The following ABI3BP variants were observed in gnomAD, a reference collection of about 807,000 sequenced individuals.
The protein encoded by ABI3BP is ABI family member 3 binding protein.
A neutral mutation model predicts 268.6 loss-of-function variants in ABI3BP; 216 were observed. The ratio of observed to expected loss-of-function variants is 0.80; its 90% CI spans 0.72 to 0.90. The LOEUF (loss-of-function observed/expected upper bound fraction) is 0.90, where lower values mean the gene tolerates loss of function less well. Ranked by LOEUF, ABI3BP falls within the 40% of genes least tolerant of loss-of-function variation. ABI3BP has a pLI of 0.00. For missense variants in ABI3BP, 2,090 were observed against 2,182.4 expected, an observed-to-expected ratio of 0.96 and a Z score of 0.84; for synonymous variants, 730 against 730.0, an observed-to-expected ratio of 1.00 and a Z score of 0.00.
Position 100,778,243 on chromosome 3 carries a change from C to T in ABI3BP, c.4333+41G>A, listed in dbSNP as rs373125873. On this transcript the variant is annotated intron_variant, in intron 59 of 67. Coordinates refer to ENST00000471714, the MANE Select transcript of ABI3BP (RefSeq NM_001375547.2). ...AAGAGCTTATGTTGGCTAGTAAAAC[C>T]GAAATCATGGCGGGAAAAGGAAGGT... 213 of 1,597,210 alleles carry T rather than the reference C, an allele frequency of 1.3e-4. 1 individual carries two copies. Among genetic ancestry groups the T allele is most frequent in the Non-Finnish European group, 1.5e-4 (180 of 1,165,456 alleles).
At chr3:100,765,106 G>A (rs375341523) in intron 63 of ABI3BP, among the ~76,000 whole-genome samples, 8 of 143,684 alleles carry the variant, frequency 5.6e-5, no homozygotes, top group South Asian at 2.2e-4. Context: ...TGAACATTAT[G>A]AAAAAAAAAA....
chr3:100,929,510 G>A (rs1041216284), intron 1 of ABI3BP, among the ~76,000 whole-genome samples: 3 of 151,822 alleles, frequency 2.0e-5, no homozygotes, highest in South Asian at 2.1e-4. Context: ...CTACTCTCTC[G>A]AGCTAAATTT....
intron 31 of ABI3BP, 109 bp downstream of exon 31, chr3:100,832,155 T>A: frequency 9.6e-7 from 1 of 1,045,642 alleles, no homozygotes; most frequent in South Asian, 1.8e-5. Context: ...TAGCTTTTAC[T>A]CTTAAGAGAT....
rs539113677 is a variant in ABI3BP, at chr3:100,817,449, T to A, written c.3135A>T (p.Pro1045=). Residue 1045 remains proline, a synonymous_variant, in exon 42 of 68, where the codon CCA becomes CCT. Coordinates refer to ENST00000471714, the MANE Select transcript of ABI3BP (RefSeq NM_001375547.2). ...LEPDTFRTKF[P]ETTLAPKTQR... ...GAATATCATTACCTAACGTTGTTTC[T>A]GGAAACTTGGTTCTAAAAGTGTCAG... is the stretch of plus-strand genomic sequence containing the variant. 7.7e-5 allele frequency: 117 copies of A among 1,512,594 alleles called. No homozygotes were observed. The highest frequency in any genetic ancestry group is 1.0e-4 in the Non-Finnish European group (116 of 1,131,960). 93.7% of individuals were successfully genotyped at this position (1,512,594 alleles called of 1,614,324 possible). A position where few individuals can be genotyped will look rare whatever the true frequency, so the allele number is the denominator to read the frequency against.
In ABI3BP at chr3:100,775,191, T is replaced by C; in HGVS notation, c.4462+16A>G. On this transcript the variant is annotated intron_variant, in intron 60 of 67. Transcript: ENST00000471714. Reference sequence around the variant, plus strand: ...TCACAGCTAAGTATCCAGTGAGAACTGATGGCCATACGAACCCAGTTCTTC... The same window carrying C: ...TCACAGCTAAGTATCCAGTGAGAACCGATGGCCATACGAACCCAGTTCTTC... The C allele has an allele frequency of 1.2e-6, 2 of 1,612,244 alleles. No homozygotes were observed. Among genetic ancestry groups the C allele is most frequent in the South Asian group, 1.1e-5 (1 of 90,580 alleles).
At chr3:100,992,810 C>A (rs1292830784) in intron 1 of ABI3BP, among the ~76,000 whole-genome samples, 3 of 152,202 alleles carry the variant, frequency 2.0e-5, no homozygotes, top group African/African-American at 7.2e-5. Flanking sequence ...TGCAAATCAG[C>A]ACATGACCGT....
At chr3:100,773,675 A>G (rs905629491) in intron 61 of ABI3BP, among the ~76,000 whole-genome samples, 1 of 152,248 alleles carries the variant, frequency 6.6e-6, no homozygotes, top group Admixed American at 6.5e-5. Context: ...TCAGTAATGT[A>G]AAAGAAATAC....
At chr3:100,763,549 G>T (rs979103849) in intron 63 of ABI3BP, among the ~76,000 whole-genome samples, 1 of 152,078 alleles carries the variant, frequency 6.6e-6, no homozygotes, top group Non-Finnish European at 1.5e-5. Context: ...GGTTTTAGGG[G>T]TCCTCCTCAG....
intron 63 of ABI3BP, among the ~76,000 whole-genome samples, chr3:100,760,590 A>G (rs1349294950): frequency 6.6e-6 from 1 of 152,176 alleles, no homozygotes; most frequent in Non-Finnish European, 1.5e-5. Context: ...GGCCGACTCC[A>G]TGCATGGCTT....
chr3:100,827,889 C>G (rs9647325), intron 34 of ABI3BP, among the ~76,000 whole-genome samples: 21,415 of 152,036 alleles, frequency 0.14, 1,966 homozygotes, highest in South Asian at 0.27. Flanking sequence ...TTTAAATCTA[C>G]TAGCCTTGAT....
At chr3:100,911,497 T>C in intron 2 of ABI3BP, 1 of 413,882 alleles carries the variant, frequency 2.4e-6, no homozygotes, top group Non-Finnish European at 4.4e-6. Context: ...TGTTTTTCAC[T>C]TTTTTTTGCA....
intron 1 of ABI3BP, 117 bp downstream of exon 1, chr3:100,993,189 C>A: frequency 1.4e-6 from 1 of 689,778 alleles, no homozygotes; most frequent in Non-Finnish European, 2.3e-6. Context: ...AACTTTGAAT[C>A]TCTGCAGAAT....
chr3:100,763,351 T>C (rs2096079061), intron 63 of ABI3BP, among the ~76,000 whole-genome samples: 1 of 151,286 alleles, frequency 6.6e-6, no homozygotes, highest in Non-Finnish European at 1.5e-5. Context: ...TAATCCCAGC[T>C]ACTTTGGAGG....
intron 57 of ABI3BP, among the ~76,000 whole-genome samples, chr3:100,786,048 T>TC (rs35466990): frequency 0.29 from 44,721 of 152,046 alleles, 7,158 homozygotes; most frequent in East Asian, 0.64. Flanking sequence ...AGATCTCCAT[T>TC]CAGTGCTCTC....
chr3:100,983,916 T>C (rs2090681629), intron 1 of ABI3BP, among the ~76,000 whole-genome samples: 1 of 152,190 alleles, frequency 6.6e-6, no homozygotes, highest in South Asian at 2.1e-4. Context: ...TGAAAATTTT[T>C]TCAAACAATG....
In ABI3BP at chr3:100,945,537, T is replaced by A. The variant is rs138030636; in HGVS notation, c.80-19056A>T. 1.1e-3 allele frequency: 442 copies of A among 391,412 alleles called. 1 individual carries two copies. The highest frequency in any genetic ancestry group is 8.8e-3 in the African/African-American group (414 of 47,186). The allele number at this position is 391,412 out of a possible 1,614,324, so 24.2% of individuals were successfully genotyped here. A position where few individuals can be genotyped will look rare whatever the true frequency, so the allele number is the denominator to read the frequency against. ...ACCCTTAGCTCTAGGCAACCACTGGTCTACTTTCTGCTTTTCTGGTAATTA... is the reference window on the plus strand; with the variant it reads ...ACCCTTAGCTCTAGGCAACCACTGGACTACTTTCTGCTTTTCTGGTAATTA... On this transcript the variant is annotated intron_variant, in intron 1 of 67. Coordinates refer to ENST00000471714, the MANE Select transcript of ABI3BP (RefSeq NM_001375547.2).
At chr3:100,835,508 TATGA>T in intron 28 of ABI3BP, 89 bp downstream of exon 28, 1 of 930,964 alleles carries the variant, frequency 1.1e-6, no homozygotes, top group African/African-American at 1.7e-5. Flanking sequence ...GAGAAAATCT[TATGA>T]AAGAAAAAAC....
intron 49 of ABI3BP, among the ~76,000 whole-genome samples, 200 bp downstream of exon 49, chr3:100,810,211 AG>A (rs1337376913): frequency 1.3e-5 from 2 of 152,088 alleles, no homozygotes; most frequent in Non-Finnish European, 2.9e-5. Flanking sequence ...AGTAGCTGAG[AG>A]GTATTTTTCA....
intron 33 of ABI3BP, among the ~76,000 whole-genome samples, chr3:100,828,741 GCATAGTAGATGATACA>G (rs2152765299): frequency 6.6e-6 from 1 of 152,244 alleles, no homozygotes; most frequent in African/African-American, 2.4e-5. Flanking sequence ...AACTAATAGA[GCATAGTAGATGATACA>G]CATTTTGCTG....
Sources: gnomAD v4.1 joint callset for allele counts (sites outside exome capture counted in the v4.1 genomes callset) on GRCh38, gnomAD v4.1.1 for gene constraint, MANE v1.5 for transcripts, NCBI Gene and HGNC (gene_info 2026-07-23, HGNC 2026-07-21) for gene names.